Variants in SLC20A2 observed in about 807,000 individuals in gnomAD.
SLC20A2 encodes the protein sodium-dependent phosphate transporter 2.
A neutral mutation model predicts 61.0 loss-of-function variants in SLC20A2; 30 were observed. The ratio of observed to expected loss-of-function variants is 0.49; its 90% CI spans 0.37 to 0.67. SLC20A2 has a LOEUF of 0.67. SLC20A2 is among the 30% of genes least tolerant of loss of function. The pLI, the probability that SLC20A2 is intolerant of heterozygous loss-of-function variation, is 0.00. For missense variants in SLC20A2, 626 were observed against 866.4 expected (o/e 0.72, Z 3.48); for synonymous variants, 351 against 353.3 (o/e 0.99, Z 0.07).
chr8:42,439,936 T>C (rs968391611), intron 6 of SLC20A2, among the ~76,000 whole-genome samples: 10 of 151,778 alleles, frequency 6.6e-5, no homozygotes, highest in African/African-American at 2.2e-4. Flanking sequence ...AATATAAAAA[T>C]TAGCCGGGTG....
intron 1 of SLC20A2, among the ~76,000 whole-genome samples, chr8:42,511,102 G>A (rs924270193): frequency 6.6e-6 from 1 of 151,936 alleles, no homozygotes; most frequent in Non-Finnish European, 1.5e-5. Context: ...GTGGAGAGCC[G>A]CCAGCTTCAC....
At position 42,437,411 on chromosome 8, in the gene SLC20A2, G is replaced by A. The variant is rs199935692; in HGVS notation, c.1101C>T (p.Pro367=). ...LLHKIHIDRG[P]EEKPAQESNY... ...TGCTTTCCTGGGCTGGCTTCTCCTCGGGGCCCCTGTCGATGTGGATTTTGT... is the reference window on the plus strand; with the variant it reads ...TGCTTTCCTGGGCTGGCTTCTCCTCAGGGCCCCTGTCGATGTGGATTTTGT... Residue 367 remains proline (P), a synonymous_variant, in exon 8 of 11, where the codon CCC becomes CCT. Transcript: ENST00000520262. The surrounding 1 kb of genome is among the most constrained non-coding windows in gnomAD (Gnocchi z 6.4). 2 of 1,614,094 alleles carry A rather than the reference G, an allele frequency of 1.2e-6. No individual in the cohort carries two copies. The highest frequency in any genetic ancestry group is 8.5e-7 in the Non-Finnish European group (1 of 1,180,020).
intron 1 of SLC20A2, among the ~76,000 whole-genome samples, chr8:42,512,870 T>C (rs1411840436): frequency 6.6e-6 from 1 of 152,236 alleles, no homozygotes; most frequent in African/African-American, 2.4e-5. Context: ...TAGTAGTCAC[T>C]GTTCTTTGTA....
At chr8:42,524,372 G>A (rs538770763) in intron 1 of SLC20A2, among the ~76,000 whole-genome samples, 2 of 152,100 alleles carry the variant, frequency 1.3e-5, no homozygotes, top group African/African-American at 2.4e-5. Flanking sequence ...GTTTTAACAC[G>A]ATTGGCCACA....
At chr8:42,519,671 C>T (rs1442370430) in intron 1 of SLC20A2, among the ~76,000 whole-genome samples, 2 of 152,140 alleles carry the variant, frequency 1.3e-5, no homozygotes, top group African/African-American at 2.4e-5. Context: ...TAGCCAGATA[C>T]ATCTGGGAAG....
intron 5 of SLC20A2, among the ~76,000 whole-genome samples, chr8:42,445,588 G>A (rs1586052637): frequency 6.6e-6 from 1 of 152,180 alleles, no homozygotes; most frequent in East Asian, 1.9e-4. Context: ...TTAGCCAGGC[G>A]CGGTGACAGG....
intron 10 of SLC20A2, among the ~76,000 whole-genome samples, chr8:42,424,080 A>C (rs1803227778): frequency 6.6e-6 from 1 of 152,198 alleles, no homozygotes; most frequent in South Asian, 2.1e-4. Flanking sequence ...GAATAATCTC[A>C]ATCCACCCAG....
chr8:42,536,510 A>C (rs1563558295), intron 1 of SLC20A2: 1 of 152,192 alleles, frequency 6.6e-6, no homozygotes, highest in Non-Finnish European at 1.5e-5. Flanking sequence ...TTGATGCCCG[A>C]TGCCCCCAAA....
chr8:42,491,943 T>C (rs1809547522), intron 1 of SLC20A2, among the ~76,000 whole-genome samples: 1 of 152,204 alleles, frequency 6.6e-6, no homozygotes. Context: ...AGCCAGGACA[T>C]GCTGATGTCT....
At chr8:42,438,254 G>A (rs1024250285) in intron 7 of SLC20A2, among the ~76,000 whole-genome samples, 1 of 152,074 alleles carries the variant, frequency 6.6e-6, no homozygotes, top group African/African-American at 2.4e-5. Context: ...TCATCTTAGA[G>A]AAACTTCATA....
chr8:42,509,017 A>G (rs1810881509), intron 1 of SLC20A2, among the ~76,000 whole-genome samples: 1 of 152,234 alleles, frequency 6.6e-6, no homozygotes, highest in Non-Finnish European at 1.5e-5. Context: ...CACTTTTAAA[A>G]TGGGAATAAT....
At chr8:42,458,735 CT>C (rs1388710262) in intron 5 of SLC20A2, among the ~76,000 whole-genome samples, 1 of 151,274 alleles carries the variant, frequency 6.6e-6, no homozygotes, top group Non-Finnish European at 1.5e-5. Context: ...GGTGAAACCC[CT>C]GTCTCTACTA....
At chr8:42,421,539 T>C (rs1175560325) in intron 10 of SLC20A2, among the ~76,000 whole-genome samples, 2 of 152,220 alleles carry the variant, frequency 1.3e-5, no homozygotes, top group Admixed American at 1.3e-4. Context: ...GTGCGGTGGC[T>C]CATGCCTGTA....
At chr8:42,489,758 C>A (rs1809373249) in intron 1 of SLC20A2, among the ~76,000 whole-genome samples, 1 of 152,150 alleles carries the variant, frequency 6.6e-6, no homozygotes, top group South Asian at 2.1e-4. Flanking sequence ...GTGCTGAAGC[C>A]CCCGTAGCCT....
At chr8:42,443,003 A>G (rs1332686221) in intron 6 of SLC20A2, among the ~76,000 whole-genome samples, 1 of 152,078 alleles carries the variant, frequency 6.6e-6, no homozygotes, top group Non-Finnish European at 1.5e-5. Flanking sequence ...TGGGAATAGG[A>G]AAACAGCCTT....
At chr8:42,454,524 C>G (rs567296338) in intron 5 of SLC20A2, among the ~76,000 whole-genome samples, 5 of 152,018 alleles carry the variant, frequency 3.3e-5, no homozygotes, top group African/African-American at 1.2e-4. Flanking sequence ...CCTGACAGAA[C>G]AGCCACCCAA....
chr8:42,528,968 A>ATT (rs1812159037), intron 1 of SLC20A2, among the ~76,000 whole-genome samples: 1 of 126,328 alleles, frequency 7.9e-6, no homozygotes, highest in South Asian at 2.6e-4. Context: ...AGCCCGGCCT[A>ATT]TTATTATTAT....
intron 10 of SLC20A2, chr8:42,419,483 A>G (rs1385449577): frequency 6.6e-6 from 1 of 152,524 alleles, no homozygotes; most frequent in Non-Finnish European, 1.5e-5. Flanking sequence ...TGGGAGGTGG[A>G]GGTTGCAGTG....
At position 42,472,193 on chromosome 8, in the gene SLC20A2, T is replaced by C. The variant is rs778161397; in HGVS notation, c.198A>G (p.Val66=). The C allele has an allele frequency of 5.0e-6, 8 of 1,614,178 alleles. No individual in the cohort carries two copies. The highest frequency in any genetic ancestry group is 6.8e-6 in the Non-Finnish European group (8 of 1,180,042). ...TGATACCTTTGCGAATGGTTTCTCC[T>C]ACTTTGGCGCCTAGTAACACGGAGC... ...TTGSVLLGAK[V]GETIRKGIID... Residue 66 remains valine, a synonymous_variant, in exon 2 of 11, where the codon GTA becomes GTG. Transcript: ENST00000520262. This position sits in a 1 kb window ranked among gnomAD's most constrained non-coding sequence, Gnocchi z 4.1.
Sources: gnomAD v4.1 joint callset for allele counts (sites outside exome capture counted in the v4.1 genomes callset) on GRCh38, gnomAD v4.1.1 for gene constraint, Gnocchi (gnomAD v3.1) non-coding constraint, MANE v1.5 for transcripts, NCBI Gene and HGNC (gene_info 2026-07-23, HGNC 2026-07-21) for gene names.